ADGRG1: variants seen among roughly 807,000 people sequenced by gnomAD.
ADGRG1 encodes adhesion G protein-coupled receptor G1.
A neutral mutation model predicts 73.5 loss-of-function variants in ADGRG1; 53 were observed. The ratio of observed to expected loss-of-function variants is 0.72; its 90% CI spans 0.58 to 0.91. The LOEUF is 0.91. Ranked by LOEUF, ADGRG1 falls within the 40% of genes least tolerant of loss-of-function variation. The pLI is 0.00. For synonymous variants in ADGRG1, 394 were observed against 374.4 expected (o/e 1.05, Z -0.60); for missense variants, 795 against 871.8 (o/e 0.91, Z 1.11).
chr16:57,643,630 C>T (rs1359480609), intron 1 of ADGRG1: 2 of 984,076 alleles, frequency 2.0e-6, no homozygotes, highest in African/African-American at 3.5e-5. Context: ...GTGGGCCAGG[C>T]CTGGGCACCT....
chr16:57,627,823 G>C (rs2036148965), upstream of ADGRG1: 1 of 985,154 alleles, frequency 1.0e-6, no homozygotes, highest in Non-Finnish European at 1.2e-6. Flanking sequence ...AGCAGCGGGA[G>C]GTGCTGCTGA....
chr16:57,641,008 AG>A, intron 1 of ADGRG1: 4 of 985,498 alleles, frequency 4.1e-6, no homozygotes, highest in Non-Finnish European at 4.8e-6. Context: ...AAGACAGTCT[AG>A]AGGGGTCAGG....
chr16:57,635,520 T>G, intron 1 of ADGRG1: 1 of 985,280 alleles, frequency 1.0e-6, no homozygotes, highest in Non-Finnish European at 1.2e-6. Flanking sequence ...CAGGGTCCCG[T>G]CTCTGTCTAC....
chr16:57,644,051 C>G, intron 1 of ADGRG1: 1 of 985,286 alleles, frequency 1.0e-6, no homozygotes, highest in Non-Finnish European at 1.2e-6. Context: ...CTCTCAGACG[C>G]CACGCCACCC....
intron 3 of ADGRG1, chr16:57,652,712 AC>A (rs2044401341): frequency 9.9e-7 from 1 of 1,008,740 alleles, no homozygotes; most frequent in Non-Finnish European, 1.2e-6. Context: ...ATACCCTCCA[AC>A]CCCCACTGTT....
intron 1 of ADGRG1, chr16:57,639,576 GC>G: frequency 2.0e-6 from 2 of 985,290 alleles, no homozygotes; most frequent in Non-Finnish European, 2.4e-6. Flanking sequence ...TGACCCACCA[GC>G]CCCGCAGGCT....
rs2047149594 is a variant in ADGRG1 at position 57,661,755 on chromosome 16, G to A, written c.1723G>A (p.Val575Met). The A allele has an allele frequency of 1.9e-6, 3 of 1,614,076 alleles. No homozygotes were observed. In the Admixed American group the frequency reaches 5.0e-5, roughly 27 times the overall value. Reference protein sequence around the residue: ...YITNLGLFSLVFLFNMAMLAT... With the variant: ...YITNLGLFSLMFLFNMAMLAT... ...CACCAACCTGGGCCTCTTCAGCCTGGTGTTTCTGTTCAACATGGCCATGCT... is the reference window on the plus strand; with the variant it reads ...CACCAACCTGGGCCTCTTCAGCCTGATGTTTCTGTTCAACATGGCCATGCT... The change falls in exon 13 of 14, where the codon GTG becomes ATG. Residue 575 changes from valine to methionine, a missense_variant. Coordinates refer to ENST00000562631, the MANE Select transcript of ADGRG1 (RefSeq NM_201525.4).
intron 1 of ADGRG1, 136 bp downstream of exon 1, chr16:57,628,938 G>C: frequency 2.7e-6 from 2 of 731,780 alleles, no homozygotes; most frequent in Non-Finnish European, 3.2e-6. Flanking sequence ...GTGTGAGTGT[G>C]AGCGTGAGAG....
At chr16:57,636,326 G>A in intron 1 of ADGRG1, 1 of 985,380 alleles carries the variant, frequency 1.0e-6, no homozygotes, top group African/African-American at 1.7e-5. Context: ...AGCTGTCTGT[G>A]GCCCCAGTGG....
chr16:57,631,705 C>T (rs2147310557), intron 1 of ADGRG1: 1 of 981,990 alleles, frequency 1.0e-6, no homozygotes, highest in Middle Eastern at 5.3e-4. Context: ...GGCGGGCTGG[C>T]ACAAAGGGGT....
intron 1 of ADGRG1, chr16:57,634,937 T>G (rs1256140905): frequency 4.1e-6 from 4 of 985,086 alleles, no homozygotes; most frequent in African/African-American, 1.7e-5. Flanking sequence ...GCAAGGTTCT[T>G]CCAAGGAACC....
In ADGRG1 at chr16:57,651,407, G is replaced by C. The variant is rs121908465; in HGVS notation, c.272G>C (p.Cys91Ser). 6.2e-7 allele frequency: 1 copy of C among 1,614,158 alleles called. No individual in the cohort carries two copies. The highest frequency in any genetic ancestry group is 1.6e-4 in the Middle Eastern group (1 of 6,062). Residue 91 changes from cysteine (C) to serine (S), a missense_variant, in exon 3 of 14, where the codon TGC becomes TCC. Physicochemically the swap from Cys to Ser is moderately radical, Grantham distance 112. Transcript: ENST00000562631. ...GACCCCAGGGGCCTCTACCACTTCT[G>C]CCTCTACTGGAACCGACATGCTGGG... is the stretch of plus-strand genomic sequence containing the variant. ...FPDPRGLYHF[C>S]LYWNRHAGRL... is the part of the protein sequence containing the mutation.
chr16:57,650,833 C>T (rs2043887635), intron 2 of ADGRG1, among the ~76,000 whole-genome samples: 2 of 150,558 alleles, frequency 1.3e-5, no homozygotes, highest in Non-Finnish European at 3.0e-5. Flanking sequence ...CTCAGCCTCC[C>T]AAGTAGCTGG....
chr16:57,651,112 C>G (rs2043973516), intron 2 of ADGRG1, 88 bp from the exon 3 acceptor site: 1 of 1,604,764 alleles, frequency 6.2e-7, no homozygotes, highest in Middle Eastern at 1.7e-4. Flanking sequence ...GCTCCAGGTT[C>G]ACATGTACTC....
intron 3 of ADGRG1, chr16:57,652,984 T>C (rs1157778195): frequency 7.0e-7 from 1 of 1,421,324 alleles, no homozygotes; most frequent in African/African-American, 1.4e-5. Flanking sequence ...CCGCTGGGGC[T>C]GGCATTGCTG....
chr16:57,661,598 G>A lies in ADGRG1; in HGVS notation c.1665-99G>A, dbSNP rs2290176. 320,077 of 1,533,032 alleles carry A rather than the reference G, an allele frequency of 0.21. 35,089 individuals are homozygous for A. The highest frequency in any genetic ancestry group is 0.32 in the Admixed American group (16,386 of 50,936). 95.0% of individuals were successfully genotyped at this position (1,533,032 alleles called of 1,614,324 possible). On this transcript the variant is annotated intron_variant, in intron 12 of 13. Coordinates refer to ENST00000562631, the MANE Select transcript of ADGRG1 (RefSeq NM_201525.4). Reference sequence around the variant, plus strand: ...TAAATAGAAAACAAGCGCACTTGCTGTAAACAGTGGATAATCCTGAAAACA... The same window carrying A: ...TAAATAGAAAACAAGCGCACTTGCTATAAACAGTGGATAATCCTGAAAACA...
chr16:57,653,379 C>A (rs751975896), intron 4 of ADGRG1, 44 bp downstream of exon 4: 8 of 1,600,940 alleles, frequency 5.0e-6, no homozygotes, highest in Non-Finnish European at 6.8e-6. Flanking sequence ...AGGAAGGCAT[C>A]AGAGATCTGG....
chr16:57,639,779 C>A, intron 1 of ADGRG1: 1 of 793,798 alleles, frequency 1.3e-6, no homozygotes, highest in Non-Finnish European at 1.5e-6. Context: ...CCTTCCCCTC[C>A]AGCTCGCCTC....
chr16:57,622,884 C>A, upstream of ADGRG1: 9 of 985,424 alleles, frequency 9.1e-6, no homozygotes, highest in Non-Finnish European at 1.1e-5. Context: ...CAGCCTGAAC[C>A]CTAAGGAACT....
Sources: allele counts gnomAD v4.1 joint callset (sites outside exome capture counted in the v4.1 genomes callset), GRCh38; gene constraint gnomAD v4.1.1; transcripts MANE v1.5; gene names NCBI Gene and HGNC (gene_info 2026-07-23, HGNC 2026-07-21).